The following RTN4RL1 variants were observed in gnomAD, a reference collection of about 807,000 sequenced individuals.
RTN4RL1 encodes the protein reticulon 4 receptor like 1.
A neutral mutation model predicts 25.6 loss-of-function variants in RTN4RL1; 7 were observed. The ratio of observed to expected loss-of-function variants is 0.27; its 90% CI spans 0.16 to 0.51. RTN4RL1 has a LOEUF of 0.51. RTN4RL1 is among the 20% of genes least tolerant of loss of function. The probability of loss-of-function intolerance (pLI) is 0.97; values close to 1 mark genes in which losing one functional copy is unlikely to be tolerated. For synonymous variants in RTN4RL1, 297 were observed against 288.2 expected, an observed-to-expected ratio of 1.03 and a Z score of -0.31; for missense variants, 500 against 615.6, an observed-to-expected ratio of 0.81 and a Z score of 1.99.
chr17:1,974,871 C>T (rs1029752551), intron 1 of RTN4RL1, among the ~76,000 whole-genome samples: 2 of 152,226 alleles, frequency 1.3e-5, no homozygotes, highest in Admixed American at 6.5e-5. Context: ...GCTTCCCAGG[C>T]ATGGTGCCTG....
At chr17:2,007,688 G>A (rs992783613) in intron 1 of RTN4RL1, among the ~76,000 whole-genome samples, 5 of 152,226 alleles carry the variant, frequency 3.3e-5, no homozygotes, top group Non-Finnish European at 7.3e-5. Flanking sequence ...GCTCACGCCT[G>A]TAATCCCAGC....
chr17:1,955,442 G>A (rs997544187), intron 1 of RTN4RL1, among the ~76,000 whole-genome samples: 3 of 151,802 alleles, frequency 2.0e-5, no homozygotes, highest in Admixed American at 2.0e-4. Flanking sequence ...TGTAATCCCA[G>A]CTACTCAGGA....
At chr17:1,979,274 A>G (rs1394402879) in intron 1 of RTN4RL1, among the ~76,000 whole-genome samples, 1 of 152,076 alleles carries the variant, frequency 6.6e-6, no homozygotes, top group African/African-American at 2.4e-5. Context: ...CTTTGCTTCA[A>G]AAAAACCAAA....
chr17:2,010,971 GC>G (rs2067042365), intron 1 of RTN4RL1, among the ~76,000 whole-genome samples: 1 of 152,118 alleles, frequency 6.6e-6, no homozygotes, highest in African/African-American at 2.4e-5. Context: ...ACGTTTGTCG[GC>G]CGGGCGCGGT....
intron 1 of RTN4RL1, among the ~76,000 whole-genome samples, chr17:1,959,115 G>T (rs1490704951): frequency 6.6e-6 from 1 of 152,200 alleles, no homozygotes; most frequent in African/African-American, 2.4e-5. Context: ...TATTTCCGGG[G>T]TGGCCCAGGC....
chr17:1,936,176 G>A lies in RTN4RL1; in HGVS notation c.*320C>T, dbSNP rs979412306. ...TCCACAGAGCCCCGGTGCCGCCGTC[G>A]GGGGCAATTGTCCCACTGTTGCCAG... On this transcript the variant is annotated 3_prime_UTR_variant, in exon 2 of 2. Coordinates refer to ENST00000331238, the MANE Select transcript of RTN4RL1 (RefSeq NM_178568.4). 112 of 1,160,638 alleles carry A rather than the reference G, an allele frequency of 9.6e-5. No individual in the cohort carries two copies. Among genetic ancestry groups the A allele is most frequent in the Admixed American group, 1.3e-4 (3 of 23,248 alleles). The allele number at this position is 1,160,638 out of a possible 1,614,324, so 71.9% of individuals were successfully genotyped here.
intron 1 of RTN4RL1, among the ~76,000 whole-genome samples, chr17:1,971,759 G>A (rs1383129107): frequency 1.3e-5 from 2 of 152,006 alleles, no homozygotes; most frequent in East Asian, 3.9e-4. Context: ...TCAGGAGATC[G>A]AGACCATCCT....
intron 1 of RTN4RL1, among the ~76,000 whole-genome samples, chr17:1,961,001 A>C (rs992621413): frequency 2.0e-5 from 3 of 151,894 alleles, no homozygotes; most frequent in Non-Finnish European, 2.9e-5. Flanking sequence ...CCCTTTCAGC[A>C]CCTAACACTC....
At chr17:1,973,078 C>A (rs1398406264) in intron 1 of RTN4RL1, among the ~76,000 whole-genome samples, 1 of 152,158 alleles carries the variant, frequency 6.6e-6, no homozygotes, top group Non-Finnish European at 1.5e-5. Context: ...CAAATAAAGA[C>A]TAGGCTGGGC....
At chr17:1,986,652 T>C (rs1307136900) in intron 1 of RTN4RL1, among the ~76,000 whole-genome samples, 2 of 151,856 alleles carry the variant, frequency 1.3e-5, no homozygotes, top group Non-Finnish European at 2.9e-5. Context: ...GGGTGCACAG[T>C]CCTGCCAACA....
Position 1,935,707 on chromosome 17 carries a change from T to TTGTGTGTGTG in RTN4RL1, c.*788_*789insCACACACACA, listed in dbSNP as rs375908981. On this transcript the variant is annotated 3_prime_UTR_variant, in exon 2 of 2. Transcript: ENST00000331238. ...ACGGAGTGGGAGGGGGACTGTGCAT[T>TTGTGTGTGTG]TGTGTATATATATATATATATATAT... 2 of 199,490 alleles carry TTGTGTGTGTG rather than the reference T, an allele frequency of 1.0e-5. No homozygotes were observed. The highest frequency in any genetic ancestry group is 1.4e-4 in the Admixed American group (1 of 7,302). The allele number at this position is 199,490 out of a possible 1,614,324, so 12.4% of individuals were successfully genotyped here.
chr17:1,981,875 G>C (rs747128040), intron 1 of RTN4RL1, among the ~76,000 whole-genome samples: 1 of 152,266 alleles, frequency 6.6e-6, no homozygotes, highest in African/African-American at 2.4e-5. Flanking sequence ...TATACTTACA[G>C]AAATCTAGAT....
At chr17:1,937,976 G>A (rs960541647) in intron 1 of RTN4RL1, among the ~76,000 whole-genome samples, 168 bp from the exon 2 acceptor site, 1 of 152,220 alleles carries the variant, frequency 6.6e-6, no homozygotes, top group African/African-American at 2.4e-5. Flanking sequence ...GGAACCCGTC[G>A]GGGATGAGAG....
intron 1 of RTN4RL1, among the ~76,000 whole-genome samples, chr17:2,004,562 T>G (rs1371541706): frequency 6.6e-6 from 1 of 152,002 alleles, no homozygotes; most frequent in African/African-American, 2.4e-5. Context: ...GATGCACCAG[T>G]GTTCTGGGGA....
At chr17:1,996,046 C>T (rs993822088) in intron 1 of RTN4RL1, among the ~76,000 whole-genome samples, 2 of 152,200 alleles carry the variant, frequency 1.3e-5, no homozygotes, top group African/African-American at 2.4e-5. Context: ...CTGGGCCCTG[C>T]CCTGCCCTGG....
chr17:1,940,949 G>A (rs540607883), intron 1 of RTN4RL1, among the ~76,000 whole-genome samples: 12 of 152,290 alleles, frequency 7.9e-5, no homozygotes, highest in African/African-American at 1.9e-4. Flanking sequence ...AAGCCATTTC[G>A]TCCCTTGGGC....
intron 1 of RTN4RL1, among the ~76,000 whole-genome samples, chr17:2,013,829 A>C (rs9897527): frequency 0.029 from 2,277 of 79,886 alleles, 195 homozygotes; most frequent in East Asian, 0.11. Flanking sequence ...TAAATACCCC[A>C]GCTCCCTCAC....
chr17:1,979,392 G>A (rs2066857181), intron 1 of RTN4RL1, among the ~76,000 whole-genome samples: 1 of 152,094 alleles, frequency 6.6e-6, no homozygotes, highest in South Asian at 2.1e-4. Context: ...TGGGAGGATT[G>A]TTTGAGTTCA....
chr17:2,022,310 T>C (rs1342104057), intron 1 of RTN4RL1, among the ~76,000 whole-genome samples: 3 of 152,072 alleles, frequency 2.0e-5, no homozygotes, highest in Non-Finnish European at 4.4e-5. Flanking sequence ...AGTGAAACTC[T>C]GTCTCAAAAA....
Sources: allele counts gnomAD v4.1 joint callset (sites outside exome capture counted in the v4.1 genomes callset), GRCh38; gene constraint gnomAD v4.1.1; transcripts MANE v1.5; gene names NCBI Gene and HGNC (gene_info 2026-07-23, HGNC 2026-07-21).